The following DSCAML1 variants were observed in gnomAD, a reference collection of about 807,000 sequenced individuals.
The protein encoded by DSCAML1 is cell adhesion molecule DSCAML1.
In DSCAML1, 38 loss-of-function variants were observed where a neutral mutation model predicts 200.5. The ratio of observed to expected loss-of-function variants is 0.19; its 90% confidence interval spans 0.15 to 0.25. The LOEUF is 0.25. Ranked by LOEUF, DSCAML1 falls within the 10% of genes least tolerant of loss-of-function variation. DSCAML1 has a pLI of 1.00. For missense variants in DSCAML1, 2,223 were observed against 2,858.8 expected (o/e 0.78, Z 5.07); for synonymous variants, 1,215 against 1,165.0 (o/e 1.04, Z -0.87).
chr11:117,758,702 G>A (rs2054742974), intron 3 of DSCAML1, among the ~76,000 whole-genome samples: 1 of 152,072 alleles, frequency 6.6e-6, no homozygotes, highest in South Asian at 2.1e-4. Flanking sequence ...GCGCCCGGCC[G>A]GCAGAACTCT....
chr11:117,440,039 C>T, intron 21 of DSCAML1, 103 bp from the exon 22 acceptor site: 4 of 959,686 alleles, frequency 4.2e-6, no homozygotes, highest in South Asian at 1.5e-5. Flanking sequence ...ATCCTCCCTC[C>T]CCGATCTGAC....
chr11:117,655,061 G>T (rs971698661), intron 3 of DSCAML1, among the ~76,000 whole-genome samples: 3 of 152,238 alleles, frequency 2.0e-5, no homozygotes, highest in Admixed American at 6.5e-5. Context: ...AACCCTAAGT[G>T]CACAGCCCAA....
At chr11:117,646,246 TGGGAAGGGA>T (rs2052519735) in intron 3 of DSCAML1, among the ~76,000 whole-genome samples, 2 of 151,774 alleles carry the variant, frequency 1.3e-5, no homozygotes, top group Admixed American at 1.3e-4. Context: ...CCTGGCCAGA[TGGGAAGGGA>T]GGGAGGTGGC....
At chr11:117,766,658 C>T (rs915882549) in intron 3 of DSCAML1, among the ~76,000 whole-genome samples, 7 of 152,326 alleles carry the variant, frequency 4.6e-5, no homozygotes, top group South Asian at 2.1e-4. Flanking sequence ...CGGGGCAGAG[C>T]GTTTGCCTGC....
intron 3 of DSCAML1, among the ~76,000 whole-genome samples, chr11:117,764,865 T>G (rs1288233012): frequency 6.6e-6 from 1 of 152,166 alleles, no homozygotes; most frequent in Non-Finnish European, 1.5e-5. Context: ...ATTCCTTTGT[T>G]ACAAAGTCTC....
At chr11:117,636,120 GA>G in intron 3 of DSCAML1, among the ~76,000 whole-genome samples, 1 of 152,314 alleles carries the variant, frequency 6.6e-6, no homozygotes, top group Non-Finnish European at 1.5e-5. Flanking sequence ...CCTGGCTGGT[GA>G]GGCGGGGGTT....
At chr11:117,779,551 CAAAG>C (rs1463840279) in intron 2 of DSCAML1, among the ~76,000 whole-genome samples, 2 of 152,112 alleles carry the variant, frequency 1.3e-5, no homozygotes, top group African/African-American at 4.8e-5. Flanking sequence ...GTAGAATGGA[CAAAG>C]AAAGTGTGGT....
chr11:117,747,154 C>G (rs928389102), intron 3 of DSCAML1, among the ~76,000 whole-genome samples: 1 of 152,216 alleles, frequency 6.6e-6, no homozygotes, highest in African/African-American at 2.4e-5. Flanking sequence ...GTCTTCACCA[C>G]CCCAGCCTTT....
Position 117,780,859 on chromosome 11 carries a change from T to A in DSCAML1, c.47-49A>T. 7.3e-7 allele frequency: 1 copy of A among 1,369,942 alleles called. No individual in the cohort carries two copies. The highest frequency in any genetic ancestry group is 9.4e-7 in the Non-Finnish European group (1 of 1,060,044). The allele number at this position is 1,369,942 out of a possible 1,614,324, so 84.9% of individuals were successfully genotyped here. On this transcript the variant is annotated intron_variant, in intron 1 of 32. Transcript: ENST00000651296. The surrounding 1 kb of genome is among the most constrained non-coding windows in gnomAD (Gnocchi z 4.8). ...ACTTGGTTAGCATGGGCTCTAACAA[T>A]ACCCATATAAGCCACGGAGGCTTGC...
intron 1 of DSCAML1, among the ~76,000 whole-genome samples, chr11:117,810,302 C>T (rs555279680): frequency 6.6e-6 from 1 of 152,248 alleles, no homozygotes; most frequent in African/African-American, 2.4e-5. Context: ...CCCCTCAACC[C>T]CTTCTCCTTC....
rs1565280766 is a variant in DSCAML1 at position 117,780,244 on chromosome 11, GAAAGAAA to G, written c.364+242_364+248del. 6.6e-3 allele frequency among the ~76,000 whole-genome samples: 460 copies of G among 69,514 alleles called. 2 individuals carry two copies. The highest frequency in any genetic ancestry group is 9.1e-3 in the Non-Finnish European group (282 of 31,010). The allele number at this position is 69,514 out of a possible 152,430, so 45.6% of individuals were successfully genotyped here. ...GAAAGAAAGAAAGGAAAGAAAGAAA[GAAAGAAA>G]GAAAGAAAGAAAGAAAGAAAGAAAG... On this transcript the variant is annotated intron_variant, in intron 2 of 32. Transcript: ENST00000651296. This position sits in a 1 kb window ranked among gnomAD's most constrained non-coding sequence, Gnocchi z 4.8.
intron 3 of DSCAML1, among the ~76,000 whole-genome samples, chr11:117,617,551 G>T (rs998058430): frequency 6.6e-6 from 1 of 151,934 alleles, no homozygotes; most frequent in South Asian, 2.1e-4. Flanking sequence ...AATAGTCTGC[G>T]CAATTAACAA....
chr11:117,693,004 G>T (rs1392413863), intron 3 of DSCAML1, among the ~76,000 whole-genome samples: 1 of 152,140 alleles, frequency 6.6e-6, no homozygotes, highest in African/African-American at 2.4e-5. Context: ...GTTTCTCAAA[G>T]TCCCTCCAAA....
chr11:117,656,026 G>A (rs1460940812), intron 3 of DSCAML1, among the ~76,000 whole-genome samples: 2 of 152,228 alleles, frequency 1.3e-5, no homozygotes, highest in Non-Finnish European at 2.9e-5. Flanking sequence ...CAGATCACGA[G>A]GTCAGGAATT....
At chr11:117,602,646 C>A (rs1007181640) in intron 3 of DSCAML1, among the ~76,000 whole-genome samples, 1 of 152,078 alleles carries the variant, frequency 6.6e-6, no homozygotes, top group Admixed American at 6.5e-5. Flanking sequence ...CAGGTGAGAG[C>A]CACCGTAGTA....
intron 3 of DSCAML1, among the ~76,000 whole-genome samples, chr11:117,604,217 T>C (rs2051520243): frequency 1.3e-5 from 2 of 152,148 alleles, no homozygotes. Flanking sequence ...ATATGCTCAC[T>C]GAATTGAGCA....
chr11:117,748,924 T>C (rs1011032561), intron 3 of DSCAML1, among the ~76,000 whole-genome samples: 7 of 152,198 alleles, frequency 4.6e-5, no homozygotes, highest in African/African-American at 1.7e-4. Context: ...TGGTCTGAGC[T>C]GGCTGAGCAG....
intron 3 of DSCAML1, among the ~76,000 whole-genome samples, chr11:117,590,186 T>C (rs1233261738): frequency 6.6e-6 from 1 of 152,078 alleles, no homozygotes; most frequent in Non-Finnish European, 1.5e-5. Context: ...GAAGATTTAA[T>C]GCATTATGTT....
chr11:117,526,901 G>A (rs181466871), intron 4 of DSCAML1, among the ~76,000 whole-genome samples: 1 of 152,298 alleles, frequency 6.6e-6, no homozygotes, highest in African/African-American at 2.4e-5. Context: ...ACTTTGGGAG[G>A]CTGAGGTGGG....
Sources: allele counts gnomAD v4.1 joint callset (sites outside exome capture counted in the v4.1 genomes callset), GRCh38; gene constraint gnomAD v4.1.1; non-coding constraint Gnocchi (gnomAD v3.1); transcripts MANE v1.5; gene names NCBI Gene and HGNC (gene_info 2026-07-23, HGNC 2026-07-21).